Variants in MAD1L1 observed in about 807,000 individuals in gnomAD.
MAD1L1 encodes the protein mitotic arrest deficient 1 like 1.
MAD1L1 carries 95 observed loss-of-function variants against 96.9 expected under a neutral mutation model. The ratio of observed to expected loss-of-function variants is 0.98; its 90% CI spans 0.83 to 1.16. The LOEUF is 1.16. MAD1L1 is among the 50% of genes most tolerant of loss of function. MAD1L1 has a pLI of 0.00. For missense variants in MAD1L1, 1,007 were observed against 954.4 expected (o/e 1.06, Z -0.73); for synonymous variants, 473 against 396.6 (o/e 1.19, Z -2.29).
At chr7:1,916,107 C>T (rs775197853) in intron 17 of MAD1L1, among the ~76,000 whole-genome samples, 1 of 152,168 alleles carries the variant, frequency 6.6e-6, no homozygotes, top group Non-Finnish European at 1.5e-5. Context: ...CACTCCGCAC[C>T]CACCAGTGGG....
chr7:2,211,129 G>A (rs537314043), intron 10 of MAD1L1, among the ~76,000 whole-genome samples: 144 of 152,166 alleles, frequency 9.5e-4, no homozygotes, highest in African/African-American at 2.2e-3. Context: ...CTTGCTTCCC[G>A]CCCACTTTAA....
chr7:1,832,407 G>C (rs1782741797), intron 18 of MAD1L1, among the ~76,000 whole-genome samples: 1 of 151,612 alleles, frequency 6.6e-6, no homozygotes, highest in Admixed American at 6.6e-5. Context: ...GATGGAATCT[G>C]CTCCTGGTGA....
At chr7:1,937,582 G>A (rs117012176) in intron 16 of MAD1L1, among the ~76,000 whole-genome samples, 4,593 of 150,598 alleles carry the variant, frequency 0.03, 188 homozygotes, top group Admixed American at 0.089. Flanking sequence ...GGGGACAGCC[G>A]CCCACAGCAG....
intron 11 of MAD1L1, among the ~76,000 whole-genome samples, chr7:2,081,682 T>G (rs561063018): frequency 6.6e-6 from 1 of 152,366 alleles, no homozygotes; most frequent in South Asian, 2.1e-4. Flanking sequence ...CCGCCGTCAC[T>G]GTTCCAGCCC....
At chr7:1,946,175 T>C in intron 16 of MAD1L1, among the ~76,000 whole-genome samples, 1 of 152,208 alleles carries the variant, frequency 6.6e-6, no homozygotes, top group East Asian at 1.9e-4. Context: ...CCCTGCCCTC[T>C]GTGCATTCTG....
Position 1,905,305 on chromosome 7 carries a change from A to G in MAD1L1, c.1808-6915T>C, listed in dbSNP as rs1562509992. Among the ~76,000 whole-genome samples the G allele has an allele frequency of 3.2e-5, 3 of 92,684 alleles. 1 individual carries two copies. The highest frequency in any genetic ancestry group is 2.4e-5 in the Non-Finnish European group (1 of 41,724). 60.8% of individuals were successfully genotyped at this position (92,684 alleles called of 152,430 possible). A position where few individuals can be genotyped will look rare whatever the true frequency, so the allele number is the denominator to read the frequency against. ...CTCATGATTGATAAAGCACTGTTCC[A>G]GGCAGCAAGGATGCAGTGGCCTATG... On this transcript the variant is annotated intron_variant, in intron 17 of 18. Coordinates refer to ENST00000265854, the MANE Select transcript of MAD1L1 (RefSeq NM_001013836.2).
At chr7:2,117,408 C>T (rs1233599296) in intron 11 of MAD1L1, among the ~76,000 whole-genome samples, 1 of 152,212 alleles carries the variant, frequency 6.6e-6, no homozygotes, top group Non-Finnish European at 1.5e-5. Context: ...GGCAGCTGCC[C>T]ATTCACAAGG....
At chr7:1,927,848 C>G (rs1414135758) in intron 17 of MAD1L1, among the ~76,000 whole-genome samples, 2 of 152,078 alleles carry the variant, frequency 1.3e-5, no homozygotes, top group Admixed American at 6.6e-5. Flanking sequence ...GCATTTGCTC[C>G]GAGGAACACA....
chr7:1,996,536 A>G (rs1781570568), intron 14 of MAD1L1, among the ~76,000 whole-genome samples: 1 of 152,214 alleles, frequency 6.6e-6, no homozygotes, highest in Non-Finnish European at 1.5e-5. Context: ...GCCAGATTTC[A>G]GAATCTGTCT....
At chr7:2,132,381 G>A (rs555890456) in intron 11 of MAD1L1, among the ~76,000 whole-genome samples, 5 of 148,790 alleles carry the variant, frequency 3.4e-5, no homozygotes, top group South Asian at 2.1e-4. Context: ...CTGTGCGACC[G>A]CGCGTCCACC....
At chr7:2,072,906 GT>G (rs1311472275) in intron 11 of MAD1L1, among the ~76,000 whole-genome samples, 1 of 152,226 alleles carries the variant, frequency 6.6e-6, no homozygotes, top group African/African-American at 2.4e-5. Context: ...TGGGGCTGGA[GT>G]CCCCCCGCCA....
rs541278371 is a variant in MAD1L1, at chr7:2,012,555, C to A, written c.1359+1947G>T. ...CCCTCCGCAGCAGGCCCTGCACGCA[C>A]GGGATGGCTAGACACAGAAAGGAAA... On this transcript the variant is annotated intron_variant, in intron 13 of 18. Transcript: ENST00000265854. Among the ~76,000 whole-genome samples, 9 of 152,268 alleles carry A rather than the reference C, an allele frequency of 5.9e-5. 1 individual carries two copies. The East Asian group carries it at 1.7e-3, about 29-fold the overall frequency.
chr7:2,093,001 G>C (rs1389769126), intron 11 of MAD1L1, among the ~76,000 whole-genome samples: 1 of 151,958 alleles, frequency 6.6e-6, no homozygotes, highest in Non-Finnish European at 1.5e-5. Context: ...ACTTTGGGAG[G>C]CTGAGGCGGG....
chr7:2,231,007 A>C (rs1794164505), intron 1 of MAD1L1, among the ~76,000 whole-genome samples: 2 of 152,220 alleles, frequency 1.3e-5, no homozygotes, highest in Non-Finnish European at 2.9e-5. Context: ...TACCAGGAGC[A>C]CTCACAGCAA....
At chr7:1,823,091 C>G (rs1782213082) in intron 18 of MAD1L1, among the ~76,000 whole-genome samples, 1 of 152,036 alleles carries the variant, frequency 6.6e-6, no homozygotes, top group African/African-American at 2.4e-5. Context: ...AAAGAATAAA[C>G]AACATATGAC....
intron 18 of MAD1L1, among the ~76,000 whole-genome samples, chr7:1,836,393 A>T (rs1233965045): frequency 2.0e-5 from 3 of 152,098 alleles, no homozygotes; most frequent in Admixed American, 1.3e-4. Flanking sequence ...AACCTGTTTT[A>T]TCAGCCAAGT....
At chr7:1,914,089 C>T (rs1157792993) in intron 17 of MAD1L1, among the ~76,000 whole-genome samples, 3 of 152,206 alleles carry the variant, frequency 2.0e-5, no homozygotes, top group African/African-American at 4.8e-5. Context: ...GTCCCAGGCC[C>T]GACCCCACAA....
At chr7:1,910,842 C>T (rs1056327609) in intron 17 of MAD1L1, among the ~76,000 whole-genome samples, 1 of 152,218 alleles carries the variant, frequency 6.6e-6, no homozygotes, top group Admixed American at 6.5e-5. Context: ...ATGGGGAAAC[C>T]GACGATGAGA....
intron 18 of MAD1L1, among the ~76,000 whole-genome samples, chr7:1,887,163 A>G (rs12532392): frequency 0.96 from 145,872 of 152,356 alleles, 69,932 homozygotes; most frequent in Middle Eastern, 1. Context: ...TCCAGATCAC[A>G]GAAGCAGGTG....
Sources: allele counts gnomAD v4.1 joint callset (sites outside exome capture counted in the v4.1 genomes callset), GRCh38; gene constraint gnomAD v4.1.1; transcripts MANE v1.5; gene names NCBI Gene and HGNC (gene_info 2026-07-23, HGNC 2026-07-21).